Variants in PARD3 observed in about 807,000 individuals in gnomAD.
PARD3 encodes par-3 family cell polarity regulator.
A neutral mutation model predicts 155.4 loss-of-function variants in PARD3; 75 were observed. The observed-to-expected ratio is 0.48, with a 90% CI of 0.40 to 0.58. The LOEUF (loss-of-function observed/expected upper bound fraction) is 0.58. PARD3 is among the 20% of genes least tolerant of loss of function. The pLI, the probability that PARD3 is intolerant of heterozygous loss-of-function variation, is 0.00. For missense variants in PARD3, 1,642 were observed against 1,721.7 expected (o/e 0.95, Z 0.82); for synonymous variants, 576 against 610.5 (o/e 0.94, Z 0.83).
intron 1 of PARD3, among the ~76,000 whole-genome samples, chr10:34,756,083 T>A (rs1479479397): frequency 1.3e-5 from 2 of 150,608 alleles, no homozygotes; most frequent in Non-Finnish European, 2.9e-5. Context: ...TGGGTTGAAA[T>A]CACTGTACAG....
chr10:34,224,770 T>C (rs1006213819), intron 22 of PARD3, among the ~76,000 whole-genome samples: 1 of 152,172 alleles, frequency 6.6e-6, no homozygotes, highest in East Asian at 1.9e-4. Context: ...CATCTGAGGG[T>C]TTCCAGGTTT....
intron 19 of PARD3, among the ~76,000 whole-genome samples, chr10:34,330,235 C>T (rs1351776569): frequency 6.6e-6 from 1 of 152,128 alleles, no homozygotes; most frequent in Non-Finnish European, 1.5e-5. Flanking sequence ...CCTTTTGCTT[C>T]TTAGTAAATA....
intron 4 of PARD3, among the ~76,000 whole-genome samples, chr10:34,468,362 T>C (rs1564746898): frequency 6.6e-6 from 1 of 152,244 alleles, no homozygotes; most frequent in African/African-American, 2.4e-5. Context: ...ATCCAAGATG[T>C]TGAATGACTT....
At chr10:34,668,336 T>G (rs536330434) in intron 2 of PARD3, among the ~76,000 whole-genome samples, 25 of 152,318 alleles carry the variant, frequency 1.6e-4, no homozygotes, top group African/African-American at 5.1e-4. Context: ...TTCATTATAG[T>G]ATTGTCTATC....
Position 34,196,571 on chromosome 10 carries a change from T to TC in PARD3, c.3420-64989_3420-64988insG, listed in dbSNP as rs1253149370. ...TACAAATACTTTGTACCCTTTTCTT[T>TC]TTTTTTTTTTTTTTTTTTTTGAGAC... is the stretch of plus-strand genomic sequence containing the variant. On this transcript the variant is annotated intron_variant, in intron 22 of 24. Transcript: ENST00000374788. Among the ~76,000 whole-genome samples, 152 of 140,292 alleles carry TC rather than the reference T, an allele frequency of 1.1e-3. 2 individuals carry two copies. In the East Asian group the frequency reaches 0.027, roughly 25 times the overall value. The allele number at this position is 140,292 out of a possible 152,430, so 92.0% of individuals were successfully genotyped here.
intron 22 of PARD3, among the ~76,000 whole-genome samples, chr10:34,256,656 T>C (rs1954669262): frequency 6.6e-6 from 1 of 152,164 alleles, no homozygotes; most frequent in Admixed American, 6.5e-5. Flanking sequence ...ATCCCTGTAT[T>C]CTCAAAGAGT....
intron 15 of PARD3, among the ~76,000 whole-genome samples, 198 bp downstream of exon 15, chr10:34,347,767 A>G (rs939714199): frequency 6.6e-6 from 1 of 152,142 alleles, no homozygotes; most frequent in Non-Finnish European, 1.5e-5. Flanking sequence ...ACTTAAATCA[A>G]TGGATTGATT....
At chr10:34,746,162 A>G (rs1316722242) in intron 1 of PARD3, among the ~76,000 whole-genome samples, 1 of 152,004 alleles carries the variant, frequency 6.6e-6, no homozygotes, top group Non-Finnish European at 1.5e-5. Flanking sequence ...TAACTCTACT[A>G]TCAAAAATAA....
Position 34,110,816 on chromosome 10 carries a change from C to T in PARD3, c.*353G>A, listed in dbSNP as rs75629094. 1,050 of 175,928 alleles carry T rather than the reference C, an allele frequency of 6.0e-3. 8 individuals are homozygous for T. The highest frequency in any genetic ancestry group is 1.0e-2 in the Non-Finnish European group (837 of 84,030). 10.9% of individuals were successfully genotyped at this position (175,928 alleles called of 1,614,324 possible). A position where few individuals can be genotyped will look rare whatever the true frequency, so the allele number is the denominator to read the frequency against. On this transcript the variant is annotated 3_prime_UTR_variant, in exon 25 of 25. Coordinates refer to ENST00000374788, the MANE Select transcript of PARD3 (RefSeq NM_001184785.2). ...AGAAACAGGGCCGCACGTCATCCTCCACTTCAGGTGAATTTGTCACTGCAA... is the reference window on the plus strand; with the variant it reads ...AGAAACAGGGCCGCACGTCATCCTCTACTTCAGGTGAATTTGTCACTGCAA...
At chr10:34,252,612 G>C (rs1027186469) in intron 22 of PARD3, among the ~76,000 whole-genome samples, 1 of 152,110 alleles carries the variant, frequency 6.6e-6, no homozygotes, top group South Asian at 2.1e-4. Flanking sequence ...GGATCATCCC[G>C]ACACAGTGGA....
chr10:34,227,599 T>C (rs562101393), intron 22 of PARD3, among the ~76,000 whole-genome samples: 10 of 152,060 alleles, frequency 6.6e-5, no homozygotes, highest in Admixed American at 1.3e-4. Context: ...GATTGCGCCA[T>C]TGCACGCCAG....
At chr10:34,432,323 T>C (rs1189846333) in intron 5 of PARD3, among the ~76,000 whole-genome samples, 3 of 129,032 alleles carry the variant, frequency 2.3e-5, no homozygotes, top group South Asian at 2.6e-4. Flanking sequence ...AATAGAAAGA[T>C]ATACACGTGC....
At chr10:34,776,482 A>C (rs1336651670) in intron 1 of PARD3, among the ~76,000 whole-genome samples, 1 of 152,180 alleles carries the variant, frequency 6.6e-6, no homozygotes, top group Non-Finnish European at 1.5e-5. Context: ...GGAGGAAACA[A>C]AAATGTGGTA....
At chr10:34,274,650 C>T (rs931222011) in intron 21 of PARD3, among the ~76,000 whole-genome samples, 7 of 152,042 alleles carry the variant, frequency 4.6e-5, no homozygotes, top group Non-Finnish European at 8.8e-5. Flanking sequence ...AGGAACACAA[C>T]AGACCTAAGT....
chr10:34,264,641 A>C (rs1955204066), intron 22 of PARD3, among the ~76,000 whole-genome samples: 1 of 152,140 alleles, frequency 6.6e-6, no homozygotes, highest in South Asian at 2.1e-4. Context: ...CACTCTAGGT[A>C]CACTCCTCAC....
intron 2 of PARD3, among the ~76,000 whole-genome samples, chr10:34,609,233 CAATT>C (rs1282953204): frequency 5.9e-5 from 9 of 152,122 alleles, no homozygotes; most frequent in East Asian, 1.9e-4. Context: ...TTATTTTTGT[CAATT>C]AATTATGAGT....
chr10:34,765,741 G>A (rs967421319), intron 1 of PARD3, among the ~76,000 whole-genome samples: 5 of 152,074 alleles, frequency 3.3e-5, no homozygotes, highest in African/African-American at 7.2e-5. Flanking sequence ...ATCGTTAAGC[G>A]CTTATTTCTC....
intron 5 of PARD3, among the ~76,000 whole-genome samples, chr10:34,434,896 C>T (rs7088452): frequency 0.027 from 4,155 of 152,212 alleles, 185 homozygotes; most frequent in African/African-American, 0.095. Context: ...CACACCAGCA[C>T]ATATTCACAT....
intron 1 of PARD3, among the ~76,000 whole-genome samples, chr10:34,790,365 T>C (rs1451358857): frequency 6.6e-6 from 1 of 152,184 alleles, no homozygotes; most frequent in East Asian, 1.9e-4. Flanking sequence ...GGAAAAAATA[T>C]GCTAAAATTA....
Sources: allele counts gnomAD v4.1 joint callset (sites outside exome capture counted in the v4.1 genomes callset), GRCh38; gene constraint gnomAD v4.1.1; transcripts MANE v1.5; gene names NCBI Gene and HGNC (gene_info 2026-07-23, HGNC 2026-07-21).